GUCY1A2: variants seen among roughly 807,000 people sequenced by gnomAD.
GUCY1A2 encodes guanylate cyclase 1 soluble subunit alpha 2.
In GUCY1A2, 27 loss-of-function variants were observed where a neutral mutation model predicts 63.5. The observed-to-expected ratio is 0.43, with a 90% confidence interval of 0.31 to 0.59. The LOEUF (loss-of-function observed/expected upper bound fraction) is 0.59. Among genes scored for constraint, GUCY1A2 ranks in the 20% least tolerant of loss-of-function variants. GUCY1A2 has a pLI of 0.11. For synonymous variants in GUCY1A2, 364 were observed against 343.5 expected (o/e 1.06, Z -0.66); for missense variants, 768 against 913.3 (o/e 0.84, Z 2.05).
chr11:106,743,077 T>G (rs1428927804), intron 6 of GUCY1A2, among the ~76,000 whole-genome samples: 1 of 152,190 alleles, frequency 6.6e-6, no homozygotes, highest in Non-Finnish European at 1.5e-5. Flanking sequence ...CTTCATGTAC[T>G]TCATCTAATC....
intron 4 of GUCY1A2, among the ~76,000 whole-genome samples, chr11:106,875,428 C>T (rs1859736186): frequency 6.6e-6 from 1 of 152,100 alleles, no homozygotes; most frequent in South Asian, 2.1e-4. Context: ...AATATACTGG[C>T]TTATAAACCA....
Position 106,687,171 on chromosome 11 carries a change from TA to T in GUCY1A2, c.*377del, listed in dbSNP as rs1017910969. 1.7e-4 allele frequency: 41 copies of T among 243,358 alleles called. No homozygotes were observed. The highest frequency in any genetic ancestry group is 9.0e-4 in the African/African-American group (41 of 45,392). The allele number at this position is 243,358 out of a possible 1,614,324, so 15.1% of individuals were successfully genotyped here. A position where few individuals can be genotyped will look rare whatever the true frequency, so the allele number is the denominator to read the frequency against. ...CACCAACTCACTAAATGTAGGAATA[TA>T]TAATCAAAACTGGCTCTCAAAAGTG... is the stretch of plus-strand genomic sequence containing the variant. On this transcript the variant is annotated 3_prime_UTR_variant, in exon 8 of 8. Coordinates refer to ENST00000526355, the MANE Select transcript of GUCY1A2 (RefSeq NM_000855.3).
intron 7 of GUCY1A2, among the ~76,000 whole-genome samples, chr11:106,694,948 CTT>C (rs1476458606): frequency 6.6e-6 from 1 of 152,006 alleles, no homozygotes; most frequent in African/African-American, 2.4e-5. Flanking sequence ...TCTGGAATCT[CTT>C]TTGGTCATAT....
intron 4 of GUCY1A2, among the ~76,000 whole-genome samples, chr11:106,811,808 T>C (rs1049047720): frequency 6.6e-6 from 1 of 152,070 alleles, no homozygotes; most frequent in African/African-American, 2.4e-5. Flanking sequence ...CACTAAAATA[T>C]TGATTATTTT....
intron 6 of GUCY1A2, among the ~76,000 whole-genome samples, chr11:106,709,700 G>T (rs1863042945): frequency 9.6e-6 from 1 of 104,170 alleles, no homozygotes; most frequent in African/African-American, 4.4e-5. Flanking sequence ...TACACGTATA[G>T]AATATATAGT....
chr11:106,721,577 T>C (rs1565268960), intron 6 of GUCY1A2, among the ~76,000 whole-genome samples: 1 of 152,188 alleles, frequency 6.6e-6, no homozygotes, highest in African/African-American at 2.4e-5. Context: ...ATTTATTCTG[T>C]TTGGGCATTA....
chr11:107,008,036 A>T (rs1861695712), intron 1 of GUCY1A2, among the ~76,000 whole-genome samples: 1 of 149,812 alleles, frequency 6.7e-6, no homozygotes, highest in African/African-American at 2.4e-5. Context: ...TAATCCCAGT[A>T]CTTTGGGAGG....
At chr11:106,993,464 T>C (rs1191586836) in intron 1 of GUCY1A2, among the ~76,000 whole-genome samples, 1 of 152,288 alleles carries the variant, frequency 6.6e-6, no homozygotes, top group East Asian at 1.9e-4. Flanking sequence ...TCAATCTTGC[T>C]AGATATCCAG....
chr11:106,897,538 G>T (rs1374090977), intron 4 of GUCY1A2, among the ~76,000 whole-genome samples: 1 of 151,248 alleles, frequency 6.6e-6, no homozygotes, highest in Admixed American at 6.6e-5. Flanking sequence ...CCCAGAAATA[G>T]AACTACAAAT....
intron 5 of GUCY1A2, among the ~76,000 whole-genome samples, chr11:106,797,728 A>C (rs1471044560): frequency 6.6e-6 from 1 of 152,344 alleles, no homozygotes; most frequent in Middle Eastern, 3.4e-3. Flanking sequence ...GTGAGAACAA[A>C]GACACAACAA....
intron 7 of GUCY1A2, among the ~76,000 whole-genome samples, chr11:106,697,414 G>A (rs1476386515): frequency 1.3e-5 from 2 of 152,056 alleles, no homozygotes; most frequent in Admixed American, 6.5e-5. Flanking sequence ...GTTTAAAAAC[G>A]AATACTCCAA....
intron 5 of GUCY1A2, among the ~76,000 whole-genome samples, chr11:106,805,938 A>T (rs1278161309): frequency 6.6e-6 from 1 of 152,196 alleles, no homozygotes; most frequent in African/African-American, 2.4e-5. Context: ...GAGCTACATT[A>T]TCTGGATTTA....
At chr11:106,895,840 C>G (rs979469413) in intron 4 of GUCY1A2, among the ~76,000 whole-genome samples, 1 of 151,678 alleles carries the variant, frequency 6.6e-6, no homozygotes. Flanking sequence ...AACATAAATG[C>G]AAAAATTATT....
At chr11:106,832,921 G>C (rs182296937) in intron 4 of GUCY1A2, among the ~76,000 whole-genome samples, 46 of 152,160 alleles carry the variant, frequency 3.0e-4, no homozygotes, top group Admixed American at 3.0e-3. Flanking sequence ...CTATTAAGCT[G>C]TCTATATTAG....
At chr11:106,824,128 A>G (rs1027422574) in intron 4 of GUCY1A2, 3 of 1,506,834 alleles carry the variant, frequency 2.0e-6, no homozygotes, top group Non-Finnish European at 2.7e-6. Flanking sequence ...CTTCTGAACA[A>G]TGAGGCACAT....
At chr11:106,984,163 G>A (rs2510599) in intron 2 of GUCY1A2, among the ~76,000 whole-genome samples, 23,150 of 152,166 alleles carry the variant, frequency 0.15, 2,092 homozygotes, top group South Asian at 0.26. Flanking sequence ...GCATCAGCAT[G>A]AATGCAAATA....
intron 6 of GUCY1A2, among the ~76,000 whole-genome samples, chr11:106,734,841 G>A (rs1863562113): frequency 6.6e-6 from 1 of 152,028 alleles, no homozygotes; most frequent in South Asian, 2.1e-4. Context: ...GCAAAAGAAT[G>A]TTTGCAATCA....
chr11:106,842,024 G>C (rs181784887), intron 4 of GUCY1A2, among the ~76,000 whole-genome samples: 117 of 152,002 alleles, frequency 7.7e-4, no homozygotes, highest in Admixed American at 2.8e-3. Flanking sequence ...CTAGTTTCCA[G>C]TTGGGTTTGG....
intron 6 of GUCY1A2, among the ~76,000 whole-genome samples, chr11:106,724,299 C>T (rs766245322): frequency 6.6e-6 from 1 of 152,188 alleles, no homozygotes; most frequent in African/African-American, 2.4e-5. Flanking sequence ...TTTGTCAGAC[C>T]CTTCTACTTC....
Sources: allele counts gnomAD v4.1 joint callset (sites outside exome capture counted in the v4.1 genomes callset), GRCh38; gene constraint gnomAD v4.1.1; transcripts MANE v1.5; gene names NCBI Gene and HGNC (gene_info 2026-07-23, HGNC 2026-07-21).